CCDC73: variants seen among roughly 807,000 people sequenced by gnomAD.
CCDC73 encodes coiled-coil domain containing 73.
A neutral mutation model predicts 116.5 loss-of-function variants in CCDC73; 95 were observed. The observed-to-expected ratio is 0.82, with a 90% confidence interval of 0.69 to 0.97. The LOEUF (loss-of-function observed/expected upper bound fraction) is 0.97. Among genes scored for constraint, CCDC73 ranks in the 50% least tolerant of loss-of-function variants. CCDC73 has a pLI of 0.00. For missense variants in CCDC73, 1,066 were observed against 1,206.8 expected, an observed-to-expected ratio of 0.88 and a Z score of 1.73; for synonymous variants, 398 against 401.3, an observed-to-expected ratio of 0.99 and a Z score of 0.10.
intron 2 of CCDC73, among the ~76,000 whole-genome samples, chr11:32,745,990 C>G (rs1850235487): frequency 6.6e-6 from 1 of 151,982 alleles, no homozygotes; most frequent in South Asian, 2.1e-4. Context: ...GGTTATTTTG[C>G]CCATTAATTG....
chr11:32,789,668 G>A (rs1850659199), intron 1 of CCDC73, among the ~76,000 whole-genome samples: 1 of 152,132 alleles, frequency 6.6e-6, no homozygotes, highest in Non-Finnish European at 1.5e-5. Context: ...AGCTACTCAG[G>A]AGGCTGAGGT....
intron 7 of CCDC73, chr11:32,680,499 C>G (rs1344867108): frequency 6.6e-6 from 1 of 152,004 alleles, no homozygotes; most frequent in Non-Finnish European, 1.5e-5. Flanking sequence ...CTATGAAAGT[C>G]AAGATTAGCG....
At chr11:32,695,188 G>A (rs1241647201) in intron 6 of CCDC73, among the ~76,000 whole-genome samples, 1 of 152,084 alleles carries the variant, frequency 6.6e-6, no homozygotes, top group Non-Finnish European at 1.5e-5. Flanking sequence ...GGCCAACGTG[G>A]CAAAACCCCG....
intron 7 of CCDC73, among the ~76,000 whole-genome samples, chr11:32,676,312 G>A (rs938020156): frequency 1.3e-5 from 2 of 152,108 alleles, no homozygotes; most frequent in Non-Finnish European, 2.9e-5. Context: ...TATAAAAAAT[G>A]TTAATCAGCC....
intron 2 of CCDC73, among the ~76,000 whole-genome samples, chr11:32,732,095 CA>C (rs1476831690): frequency 6.6e-6 from 1 of 152,134 alleles, no homozygotes; most frequent in African/African-American, 2.4e-5. Flanking sequence ...AGCAGAAAAC[CA>C]TGGCACAAGA....
Position 32,602,874 on chromosome 11 carries a change from A to G in CCDC73, c.3177T>C (p.Asn1059=). The G allele has an allele frequency of 6.2e-7, 1 of 1,611,488 alleles. No homozygotes were observed. Residue 1059 remains asparagine, a synonymous_variant, in exon 18 of 18, where the codon AAT becomes AAC. Coordinates refer to ENST00000335185, the MANE Select transcript of CCDC73 (RefSeq NM_001008391.4). ...CTTTTCTTTTCTTTGGCTGGTTGTC[A>G]TTTTCTAAACTTAGTAAATTTTCAC... ...NKSENLLSLE[N]DNQPKKRKAE...
intron 2 of CCDC73, among the ~76,000 whole-genome samples, chr11:32,738,281 T>C (rs1850153571): frequency 6.6e-6 from 1 of 152,204 alleles, no homozygotes; most frequent in Non-Finnish European, 1.5e-5. Context: ...ACCTGCAAAT[T>C]GTTCTCCGTA....
intron 12 of CCDC73, among the ~76,000 whole-genome samples, chr11:32,650,826 A>T (rs777965160): frequency 7.2e-5 from 11 of 152,220 alleles, no homozygotes; most frequent in Non-Finnish European, 1.5e-4. Flanking sequence ...ATTTGGTTCC[A>T]TTCAATGATA....
chr11:32,705,624 G>C (rs571408183), intron 3 of CCDC73, among the ~76,000 whole-genome samples: 3 of 152,186 alleles, frequency 2.0e-5, no homozygotes, highest in African/African-American at 7.2e-5. Context: ...GCCAGGTCAA[G>C]TGAATGGAAC....
upstream of CCDC73, among the ~76,000 whole-genome samples, chr11:32,795,017 C>A (rs1462854190): frequency 1.3e-5 from 2 of 151,670 alleles, no homozygotes; most frequent in Non-Finnish European, 2.9e-5. Flanking sequence ...AAAAAAAAGT[C>A]TTTGGAAAGA....
At chr11:32,644,193 A>G (rs1337532400) in intron 12 of CCDC73, among the ~76,000 whole-genome samples, 8 of 152,188 alleles carry the variant, frequency 5.3e-5, no homozygotes, top group African/African-American at 1.9e-4. Context: ...AGCAACATGG[A>G]TGGAGCTGGA....
At chr11:32,657,707 T>C (rs1024155085) in intron 9 of CCDC73, among the ~76,000 whole-genome samples, 1 of 152,126 alleles carries the variant, frequency 6.6e-6, no homozygotes, top group Non-Finnish European at 1.5e-5. Context: ...TAACCACAAA[T>C]TGGTAATACC....
At chr11:32,782,910 T>C (rs1850595949) in intron 1 of CCDC73, among the ~76,000 whole-genome samples, 1 of 151,536 alleles carries the variant, frequency 6.6e-6, no homozygotes, top group Non-Finnish European at 1.5e-5. Context: ...AAATAGAAAA[T>C]TGAAGAAACA....
intron 1 of CCDC73, among the ~76,000 whole-genome samples, chr11:32,785,772 A>G (rs778057824): frequency 6.6e-6 from 1 of 152,154 alleles, no homozygotes. Flanking sequence ...AAAAAGAAAT[A>G]TGCATTTTTG....
intron 5 of CCDC73, 69 bp downstream of exon 5, chr11:32,700,722 T>G: frequency 1.4e-6 from 1 of 693,028 alleles, no homozygotes; most frequent in Non-Finnish European, 2.4e-6. Context: ...CATCTAGCTA[T>G]GTTTTAAATT....
chr11:32,606,706 T>C (rs1855355439), intron 17 of CCDC73, among the ~76,000 whole-genome samples: 1 of 152,090 alleles, frequency 6.6e-6, no homozygotes. Flanking sequence ...TATTGTGTCT[T>C]AATGACCCTG....
chr11:32,713,915 A>G (rs1168831239), intron 3 of CCDC73, among the ~76,000 whole-genome samples: 1 of 152,016 alleles, frequency 6.6e-6, no homozygotes, highest in African/African-American at 2.4e-5. Context: ...TTTCAAATGG[A>G]TTTCCTAAAA....
At chr11:32,676,450 C>A (rs969814130) in intron 7 of CCDC73, among the ~76,000 whole-genome samples, 1 of 152,120 alleles carries the variant, frequency 6.6e-6, no homozygotes, top group Non-Finnish European at 1.5e-5. Flanking sequence ...TTTCAATTTG[C>A]TAGAATAATT....
chr11:32,678,041 G>A (rs1258243968), intron 7 of CCDC73, among the ~76,000 whole-genome samples: 1 of 151,348 alleles, frequency 6.6e-6, no homozygotes, highest in African/African-American at 2.4e-5. Context: ...CACTTTGGGA[G>A]GTGGAGGCAG....
Sources: allele counts gnomAD v4.1 joint callset (sites outside exome capture counted in the v4.1 genomes callset), GRCh38; gene constraint gnomAD v4.1.1; transcripts MANE v1.5; gene names NCBI Gene and HGNC (gene_info 2026-07-23, HGNC 2026-07-21).